The following C4orf50 variants were observed in gnomAD, a reference collection of about 807,000 sequenced individuals.
C4orf50 encodes the protein chromosome 4 open reading frame 50.
In C4orf50, 80 loss-of-function variants were observed where a neutral mutation model predicts 77.2. The ratio of observed to expected loss-of-function variants is 1.04; its 90% CI spans 0.87 to 1.25. The LOEUF (loss-of-function observed/expected upper bound fraction) is 1.25, where lower values mean the gene tolerates loss of function less well. Ranked by LOEUF, C4orf50 falls within the 50% of genes most tolerant of loss-of-function variation. C4orf50 has a pLI of 0.00. For missense variants in C4orf50, 1,257 were observed against 1,152.9 expected (o/e 1.09, Z -1.31); for synonymous variants, 532 against 465.3 (o/e 1.14, Z -1.84).
At chr4:5,989,735 ACAGTGG>A (rs1560587212) in exon 28 of C4orf50, 1 of 1,535,250 alleles carries the variant, frequency 6.5e-7, no homozygotes, top group East Asian at 2.4e-5. Flanking sequence ...AATCTGGGAA[ACAGTGG>A]CAAACCTGTC....
At chr4:5,929,567 G>A (rs578095434) in intron 7 of C4orf50, among the ~76,000 whole-genome samples, 1 of 152,264 alleles carries the variant, frequency 6.6e-6, no homozygotes, top group Admixed American at 6.5e-5. Context: ...AAGGACAGAA[G>A]GAAAGGGGAA....
rs1012071142 is a variant in C4orf50 at position 5,970,358 on chromosome 4, T to C, written c.4105-2896A>G. 1.7e-4 allele frequency among the ~76,000 whole-genome samples: 26 copies of C among 152,056 alleles called. No individual in the cohort carries two copies. The highest frequency in any genetic ancestry group is 6.0e-4 in the African/African-American group (25 of 41,394). The stretch of plus-strand genomic sequence containing the variant: ...CATCAGGGAGGCGGCAAGACCCGTG[T>C]TCCCAGCAGAAGGAAAAGTGACCTC... On this transcript the variant is annotated intron_variant, in intron 31 of 33. Coordinates refer to ENST00000531445, the Ensembl canonical transcript of C4orf50. The surrounding 1 kb of genome is among the most constrained non-coding windows in gnomAD (Gnocchi z 4.3).
In C4orf50 at chr4:6,017,021, G is replaced by T. The variant is rs758040065; in HGVS notation, c.287+1124C>A. ...TGATCTATATACAAGGCCCAACCTC[G>T]TTCTGCCAGTCTGGGTGTCAAGACA... On this transcript the variant is annotated intron_variant, in intron 23 of 33. Coordinates refer to ENST00000531445, the Ensembl canonical transcript of C4orf50. This position sits in a 1 kb window ranked among gnomAD's most constrained non-coding sequence, Gnocchi z 4.7. 3.3e-5 allele frequency among the ~76,000 whole-genome samples: 5 copies of T among 152,148 alleles called. No homozygotes were observed. Among genetic ancestry groups the T allele is most frequent in the South Asian group, 4.1e-4 (2 of 4,826 alleles).
intron 30 of C4orf50, among the ~76,000 whole-genome samples, chr4:5,975,173 A>ACC: frequency 8.0e-6 from 1 of 124,788 alleles, no homozygotes; most frequent in African/African-American, 3.0e-5. Context: ...AAAAAAAAAA[A>ACC]AAAAACTACA....
intron 7 of C4orf50, chr4:5,899,817 C>T (rs531209779): frequency 9.7e-4 from 148 of 152,304 alleles, no homozygotes; most frequent in African/African-American, 3.5e-3. Flanking sequence ...ATTTCAGTGG[C>T]CTGGAGAGAG....
chr4:6,003,409 G>A (rs1406289369), intron 25 of C4orf50, among the ~76,000 whole-genome samples: 1 of 152,060 alleles, frequency 6.6e-6, no homozygotes, highest in Admixed American at 6.6e-5. Context: ...CCCAGGAAGA[G>A]ATGAGGAGGA....
rs529633281 is a variant in C4orf50 at position 5,943,560 on chromosome 4, C to T, written c.*2474+13341G>A. ...CCTCACTGTGCCTCAGTTTCCTTAT[C>T]TGCAAAATGGGTATCCTCTTTCTTG... On this transcript the variant is annotated intron_variant, in intron 7 of 7. Transcript: ENST00000324058. Among the ~76,000 whole-genome samples, 14 of 152,340 alleles carry T rather than the reference C, an allele frequency of 9.2e-5. No individual in the cohort carries two copies. In the East Asian group the frequency reaches 2.7e-3, roughly 29 times the overall value.
chr4:5,963,000 C>CTTTTTTT (rs370272649), intron 33 of C4orf50, among the ~76,000 whole-genome samples: 9 of 146,082 alleles, frequency 6.2e-5, no homozygotes, highest in East Asian at 4.3e-4. Flanking sequence ...TTTTTCTTTT[C>CTTTTTTT]TTTTTTTTTT....
At chr4:5,920,068 C>G (rs1012265098) in intron 7 of C4orf50, among the ~76,000 whole-genome samples, 1 of 152,218 alleles carries the variant, frequency 6.6e-6, no homozygotes, top group Non-Finnish European at 1.5e-5. Context: ...TGATTTACAG[C>G]ACACACTGTG....
chr4:5,937,534 AATATAC>A (rs1462013106), intron 7 of C4orf50, among the ~76,000 whole-genome samples: 21 of 152,220 alleles, frequency 1.4e-4, no homozygotes, highest in Non-Finnish European at 2.6e-4. Flanking sequence ...ATGACGGATA[AATATAC>A]ATATATTTGT....
chr4:5,955,554 GC>G (rs775428392), downstream of C4orf50, among the ~76,000 whole-genome samples: 11 of 152,224 alleles, frequency 7.2e-5, no homozygotes, highest in Non-Finnish European at 1.5e-4. This position sits in a 1 kb window ranked among gnomAD's most constrained non-coding sequence, Gnocchi z 5.1. Context: ...TGGGCAGAGG[GC>G]CCACAGCTGC....
chr4:5,937,639 G>T (rs747166714), intron 7 of C4orf50, among the ~76,000 whole-genome samples: 6 of 152,094 alleles, frequency 3.9e-5, no homozygotes, highest in Non-Finnish European at 5.9e-5. Context: ...GACAAGGATT[G>T]TTGTAAGCTT....
chr4:5,967,546 G>T, intron 31 of C4orf50, 84 bp from the exon 10 acceptor site: 1 of 1,269,250 alleles, frequency 7.9e-7, no homozygotes. Flanking sequence ...GGACCAAGCA[G>T]GGCCATCACC....
chr4:5,910,724 G>A (rs1333021757), intron 7 of C4orf50, among the ~76,000 whole-genome samples: 1 of 152,006 alleles, frequency 6.6e-6, no homozygotes, highest in Non-Finnish European at 1.5e-5. Flanking sequence ...TGTAGCCCTG[G>A]GCAAGAAGCT....
At chr4:6,014,064 G>A (rs956601811) in intron 23 of C4orf50, among the ~76,000 whole-genome samples, 15 of 151,430 alleles carry the variant, frequency 9.9e-5, no homozygotes, top group African/African-American at 3.4e-4. Flanking sequence ...GTGCAATGGC[G>A]TGATCTCGGC....
chr4:5,983,323 C>A (rs60299772), intron 28 of C4orf50, among the ~76,000 whole-genome samples: 3,882 of 152,294 alleles, frequency 0.025, 115 homozygotes, highest in African/African-American at 0.075. Context: ...CTTCTGCAAC[C>A]TGCCTTGTGA....
chr4:5,933,644 G>C (rs938311402), intron 7 of C4orf50, among the ~76,000 whole-genome samples: 1 of 152,222 alleles, frequency 6.6e-6, no homozygotes, highest in African/African-American at 2.4e-5. Flanking sequence ...TGAGCTGGGG[G>C]TTAGGGGCGT....
chr4:5,993,227 C>T (rs1052637976), intron 26 of C4orf50, among the ~76,000 whole-genome samples: 2 of 152,230 alleles, frequency 1.3e-5, no homozygotes, highest in African/African-American at 4.8e-5. Flanking sequence ...TAAGCCTCAG[C>T]ATCCTCATCT....
At chr4:5,899,715 G>C (rs1716264746) in intron 7 of C4orf50, 1 of 152,260 alleles carries the variant, frequency 6.6e-6, no homozygotes, top group Non-Finnish European at 1.5e-5. Context: ...CTATGTGACT[G>C]TATTCCCATG....
Sources: allele counts gnomAD v4.1 joint callset (sites outside exome capture counted in the v4.1 genomes callset), GRCh38; gene constraint gnomAD v4.1.1; non-coding constraint Gnocchi (gnomAD v3.1); transcripts MANE v1.5; gene names NCBI Gene and HGNC (gene_info 2026-07-23, HGNC 2026-07-21).